KALRN: variants seen among roughly 807,000 people sequenced by gnomAD.
KALRN encodes the protein kalirin.
A neutral mutation model predicts 353.7 loss-of-function variants in KALRN; 70 were observed. The ratio of observed to expected loss-of-function variants is 0.20; its 90% CI spans 0.16 to 0.24. KALRN has a LOEUF of 0.24. KALRN is among the 10% of genes least tolerant of loss of function. The pLI, the probability that KALRN is intolerant of heterozygous loss-of-function variation, is 1.00. For synonymous variants in KALRN, 1,391 were observed against 1,434.8 expected, an observed-to-expected ratio of 0.97 and a Z score of 0.69; for missense variants, 2,791 against 3,756.7, an observed-to-expected ratio of 0.74 and a Z score of 6.72.
intron 33 of KALRN, among the ~76,000 whole-genome samples, chr3:124,550,855 G>T (rs1055605719): frequency 6.6e-6 from 1 of 152,112 alleles, no homozygotes; most frequent in Non-Finnish European, 1.5e-5. Flanking sequence ...CGGGCGTGGT[G>T]GTGGGCGCCT....
chr3:124,518,495 C>A, intron 33 of KALRN: 1 of 1,613,722 alleles, frequency 6.2e-7, no homozygotes, highest in Non-Finnish European at 8.5e-7. Flanking sequence ...TGCAGCTCAC[C>A]GGGTTAGCCG....
At chr3:124,460,853 A>C (rs778729066) in intron 23 of KALRN, among the ~76,000 whole-genome samples, 16 of 152,230 alleles carry the variant, frequency 1.1e-4, no homozygotes, top group South Asian at 2.1e-4. Flanking sequence ...AGCACATTGT[A>C]TTATTTAGAG....
chr3:124,430,585 A>G (rs2150445284), intron 15 of KALRN, 71 bp from the exon 16 acceptor site: 15 of 1,581,796 alleles, frequency 9.5e-6, no homozygotes, highest in Non-Finnish European at 1.2e-5. Context: ...TGAAGTCCCC[A>G]TGAGAGGAGG....
chr3:124,571,351 T>C (rs1369699082), intron 34 of KALRN, among the ~76,000 whole-genome samples: 1 of 152,234 alleles, frequency 6.6e-6, no homozygotes, highest in Admixed American at 6.5e-5. Flanking sequence ...ATTTGAGAAC[T>C]TCACAGTCCA....
chr3:124,131,615 C>T (rs1348185252), intron 1 of KALRN, among the ~76,000 whole-genome samples: 1 of 152,164 alleles, frequency 6.6e-6, no homozygotes, highest in African/African-American at 2.4e-5. Context: ...TATGAATCAT[C>T]ATGGTACTTG....
intron 34 of KALRN, among the ~76,000 whole-genome samples, chr3:124,627,263 C>T (rs2080063408): frequency 1.3e-5 from 2 of 152,210 alleles, no homozygotes; most frequent in African/African-American, 4.8e-5. Context: ...ACATTGCTTC[C>T]AGCTCTGAGA....
intron 11 of KALRN, among the ~76,000 whole-genome samples, chr3:124,391,338 C>T (rs1260221603): frequency 1.3e-5 from 2 of 152,064 alleles, no homozygotes; most frequent in East Asian, 1.9e-4. Context: ...AGAAGATCAC[C>T]CAAGGGAGAG....
At position 124,411,309 on chromosome 3, in the gene KALRN, C is replaced by T. The variant is rs370228205; in HGVS notation, c.2347-2161C>T. On this transcript the variant is annotated intron_variant, in intron 13 of 59. Coordinates refer to ENST00000682506, the MANE Select transcript of KALRN (RefSeq NM_001388419.1). ...ATGGGTGTATAAAATTGTCAAGACT[C>T]AGAACTGAATGCTTAAAATATGTGT... Among the ~76,000 whole-genome samples the T allele has an allele frequency of 1.6e-3, 239 of 151,590 alleles. 2 individuals are homozygous for T. Among genetic ancestry groups the T allele is most frequent in the African/African-American group, 5.6e-3 (230 of 41,314 alleles).
At position 124,430,834 on chromosome 3, in the gene KALRN, C is replaced by T. The variant is rs1035321544; in HGVS notation, c.2829+59C>T. The T allele has an allele frequency of 4.5e-6, 7 of 1,557,446 alleles. No individual in the cohort carries two copies. The African/African-American group carries it at 9.5e-5, about 21-fold the overall frequency. On this transcript the variant is annotated intron_variant, in intron 16 of 59. Coordinates refer to ENST00000682506, the MANE Select transcript of KALRN (RefSeq NM_001388419.1). ...TCGCCTTTCTGCTCTGTACCTCAGG[C>T]AGGGTGATTCTCAGGTGTGGGTGTT...
chr3:124,128,407 G>C (rs545179850), intron 1 of KALRN, among the ~76,000 whole-genome samples: 3 of 152,166 alleles, frequency 2.0e-5, no homozygotes, highest in East Asian at 1.9e-4. Flanking sequence ...TGGATTTTCC[G>C]TAGAGACTAT....
At chr3:124,416,015 C>T (rs181494912) in intron 14 of KALRN, among the ~76,000 whole-genome samples, 36 of 152,322 alleles carry the variant, frequency 2.4e-4, no homozygotes, top group Admixed American at 1.2e-3. Context: ...TACCTGGACT[C>T]GGGATTTAGC....
intron 1 of KALRN, among the ~76,000 whole-genome samples, chr3:124,064,863 T>C (rs2042232287): frequency 6.6e-6 from 1 of 152,142 alleles, no homozygotes; most frequent in Non-Finnish European, 1.5e-5. Flanking sequence ...AAGGACAAAA[T>C]GTTGACCCCT....
chr3:124,471,256 T>TTTA (rs139584790), intron 25 of KALRN, among the ~76,000 whole-genome samples: 19,084 of 138,644 alleles, frequency 0.14, 1,328 homozygotes, highest in Middle Eastern at 0.17. Context: ...CCCACAAAGT[T>TTTA]TTATTATTAT....
At chr3:124,538,282 ATGTG>A (rs1408611906) in intron 33 of KALRN, among the ~76,000 whole-genome samples, 1 of 151,350 alleles carries the variant, frequency 6.6e-6, no homozygotes, top group Non-Finnish European at 1.5e-5. Context: ...GTGTGTATGT[ATGTG>A]TGTGTGAGAG....
intron 37 of KALRN, among the ~76,000 whole-genome samples, chr3:124,648,894 G>A (rs1000170806): frequency 2.6e-5 from 4 of 152,314 alleles, no homozygotes; most frequent in African/African-American, 7.2e-5. Context: ...TACAGATCCT[G>A]TATCTATAAA....
intron 1 of KALRN, among the ~76,000 whole-genome samples, chr3:124,190,027 C>T (rs146994620): frequency 9.2e-5 from 14 of 151,754 alleles, no homozygotes; most frequent in African/African-American, 2.2e-4. Context: ...CTTTACCAAG[C>T]GACAATTATT....
chr3:124,584,647 C>G (rs1397169368), intron 34 of KALRN: 1 of 1,411,680 alleles, frequency 7.1e-7, no homozygotes, highest in African/African-American at 1.5e-5. Context: ...CTCCCCGCTT[C>G]CCAAGGTGGC....
At chr3:124,672,005 A>G (rs1403057499) in intron 48 of KALRN, 107 bp downstream of exon 48, 13 of 847,322 alleles carry the variant, frequency 1.5e-5, no homozygotes, top group African/African-American at 1.2e-4. Context: ...CTGGAGTGCA[A>G]TGGCACCATC....
chr3:124,636,997 C>A, intron 36 of KALRN: 3 of 566,392 alleles, frequency 5.3e-6, no homozygotes, highest in Non-Finnish European at 9.6e-6. Flanking sequence ...TAGTACCATC[C>A]ATTTGCTGCT....
Sources: gnomAD v4.1 joint callset for allele counts (sites outside exome capture counted in the v4.1 genomes callset) on GRCh38, gnomAD v4.1.1 for gene constraint, MANE v1.5 for transcripts, NCBI Gene and HGNC (gene_info 2026-07-23, HGNC 2026-07-21) for gene names.